The following DLG5 variants were observed in gnomAD, a reference collection of about 807,000 sequenced individuals.
The protein encoded by DLG5 is discs large MAGUK scaffold protein 5.
Under a neutral mutation model 189.8 loss-of-function variants are expected in DLG5, and 48 were observed. The observed-to-expected ratio is 0.25, with a 90% CI of 0.20 to 0.32. The LOEUF is 0.32. DLG5 is among the 10% of genes least tolerant of loss of function. The pLI is 1.00. For synonymous variants in DLG5, 1,016 were observed against 1,054.1 expected (o/e 0.96, Z 0.70); for missense variants, 2,160 against 2,544.7 (o/e 0.85, Z 3.25).
chr10:77,821,987 G>A lies in DLG5; in HGVS notation c.2497C>T (p.Arg833Trp), dbSNP rs746724072. 19 of 1,614,104 alleles carry A rather than the reference G, an allele frequency of 1.2e-5. No homozygotes were observed. The highest frequency in any genetic ancestry group is 4.4e-5 in the South Asian group (4 of 91,086). ...GAGTTATTGTGCTGTATCAAGTTCCGTTTGTTATGAGCCTGGACCTCCGGG... is the reference window on the plus strand; with the variant it reads ...GAGTTATTGTGCTGTATCAAGTTCCATTTGTTATGAGCCTGGACCTCCGGG... ...HGPEVQAHNKRNLIQHNNSTQ... is the reference protein window; with the variant it reads ...HGPEVQAHNKWNLIQHNNSTQ... The change falls in exon 15 of 32, where the codon CGG (arginine) becomes TGG (tryptophan). Residue 833 changes from arginine (R) to tryptophan (W), a missense_variant. By Grantham distance (101) the Arg-to-Trp change is moderately radical. This residue lies in a region of DLG5 where 754 missense variants were observed against 746.5 expected (regional missense o/e 1.01). Transcript: ENST00000372391.
chr10:77,907,212 C>T (rs537259745), intron 1 of DLG5, among the ~76,000 whole-genome samples: 4 of 152,278 alleles, frequency 2.6e-5, no homozygotes, highest in Admixed American at 2.6e-4. Context: ...AACCAACCCG[C>T]CCTGGATGTC....
rs1384131677 is a variant in DLG5, at chr10:77,791,060, G to A, written c.*1380C>T. 1.3e-5 allele frequency: 2 copies of A among 152,600 alleles called. No homozygotes were observed. Among genetic ancestry groups the A allele is most frequent in the Non-Finnish European group, 1.5e-5 (1 of 68,028 alleles). 9.5% of individuals were successfully genotyped at this position (152,600 alleles called of 1,614,324 possible). On this transcript the variant is annotated 3_prime_UTR_variant, in exon 32 of 32. Transcript: ENST00000372391. Reference sequence around the variant, plus strand: ...AAAACAAAGGACAGCATTGAGGACTGAAACTTGTCTCTTTTTTGAACAACT... The same window carrying A: ...AAAACAAAGGACAGCATTGAGGACTAAAACTTGTCTCTTTTTTGAACAACT...
chr10:77,856,708 G>C (rs201591074), intron 3 of DLG5, 22 bp downstream of exon 3: 11 of 1,608,594 alleles, frequency 6.8e-6, no homozygotes, highest in Non-Finnish European at 9.3e-6. Flanking sequence ...GGCCTGGGCA[G>C]GGGAGACGGC....
At position 77,904,596 on chromosome 10, in the gene DLG5, T is replaced by C. The variant is rs930314789; in HGVS notation, c.304+21621A>G. 8.5e-5 allele frequency among the ~76,000 whole-genome samples: 13 copies of C among 152,188 alleles called. 1 individual carries two copies. The highest frequency in any genetic ancestry group is 8.3e-4 in the South Asian group (4 of 4,824). On this transcript the variant is annotated intron_variant, in intron 1 of 31. Coordinates refer to ENST00000372391, the MANE Select transcript of DLG5 (RefSeq NM_004747.4). ...GCCGGTCTTTCCCATGCTATTCTTG[T>C]GATAGTAAGTCTCGGGAGATCTGAT...
At chr10:77,854,121 G>A in intron 4 of DLG5, 106 bp downstream of exon 4, 2 of 1,418,734 alleles carry the variant, frequency 1.4e-6, no homozygotes, top group Non-Finnish European at 9.4e-7. Context: ...TCTTGCACAG[G>A]GACAGGACTA....
At chr10:77,921,977 G>A (rs1207370883) in intron 1 of DLG5, among the ~76,000 whole-genome samples, 1 of 152,202 alleles carries the variant, frequency 6.6e-6, no homozygotes, top group East Asian at 1.9e-4. Context: ...AGCCACTAAA[G>A]GTGAATGAGA....
intron 27 of DLG5, among the ~76,000 whole-genome samples, chr10:77,800,094 TG>T (rs1226398546): frequency 6.6e-6 from 1 of 151,956 alleles, no homozygotes; most frequent in Non-Finnish European, 1.5e-5. Flanking sequence ...ATCAGCAGGG[TG>T]GGGGGTACCA....
chr10:77,842,883 T>A (rs1171231827), intron 6 of DLG5, among the ~76,000 whole-genome samples: 1 of 152,224 alleles, frequency 6.6e-6, no homozygotes, highest in African/African-American at 2.4e-5. Context: ...CTGTCTGGGT[T>A]CAACCTGGCA....
At chr10:77,883,517 C>T (rs1845344936) in intron 1 of DLG5, among the ~76,000 whole-genome samples, 1 of 151,668 alleles carries the variant, frequency 6.6e-6, no homozygotes, top group African/African-American at 2.4e-5. Flanking sequence ...CACCATTGAG[C>T]CTGCAGGATG....
intron 14 of DLG5, 85 bp from the exon 15 acceptor site, chr10:77,822,186 G>A (rs1842403661): frequency 1.3e-6 from 2 of 1,495,124 alleles, no homozygotes; most frequent in East Asian, 2.3e-5. Context: ...CAGAGGTAAA[G>A]CAATGGTCAG....
the DLG5 span, among the ~76,000 whole-genome samples, chr10:77,936,689 G>A: frequency 6.6e-6 from 1 of 152,168 alleles, no homozygotes; most frequent in Non-Finnish European, 1.5e-5. Flanking sequence ...ACCTCACTTT[G>A]CAAATGAAGA....
At chr10:77,800,628 C>T (rs940607717) in intron 27 of DLG5, among the ~76,000 whole-genome samples, 12 of 152,194 alleles carry the variant, frequency 7.9e-5, no homozygotes, top group East Asian at 3.8e-4. Flanking sequence ...GAGATCAAAA[C>T]GGAGTTCAGG....
intron 3 of DLG5, among the ~76,000 whole-genome samples, chr10:77,856,453 GACACACAC>G (rs58908767): frequency 2.7e-5 from 4 of 149,876 alleles, no homozygotes; most frequent in Non-Finnish European, 4.5e-5. Flanking sequence ...CAGTGGTAGG[GACACACAC>G]ACACACACAC....
chr10:77,810,294 G>A (rs73299466), intron 23 of DLG5, among the ~76,000 whole-genome samples: 2 of 152,200 alleles, frequency 1.3e-5, no homozygotes, highest in Non-Finnish European at 2.9e-5. Context: ...GGGGGCTTCA[G>A]GGGAGATGCC....
At chr10:77,806,730 C>T in intron 26 of DLG5, 28 bp downstream of exon 26, 1 of 1,566,664 alleles carries the variant, frequency 6.4e-7, no homozygotes, top group Non-Finnish European at 8.8e-7. Context: ...CCCTGCCCCA[C>T]CCCACCCCAG....
chr10:77,883,366 G>A (rs1257256176), intron 1 of DLG5, among the ~76,000 whole-genome samples: 1 of 152,166 alleles, frequency 6.6e-6, no homozygotes, highest in African/African-American at 2.4e-5. Flanking sequence ...GAGGATTAAA[G>A]GAGGAGGAAT....
chr10:77,812,402 G>A (rs72815386), intron 20 of DLG5, 25 bp from the exon 21 acceptor site: 155 of 1,598,354 alleles, frequency 9.7e-5, no homozygotes, highest in Admixed American at 2.0e-4. Context: ...AAAGTTTCGG[G>A]GACTCAGGGT....
At chr10:77,816,852 T>G (rs546484234) in intron 19 of DLG5, 151 bp from the exon 20 acceptor site, 1 of 1,364,424 alleles carries the variant, frequency 7.3e-7, no homozygotes, top group African/African-American at 1.4e-5. Context: ...CATTGCCCCC[T>G]ACCCCCCACA....
intron 9 of DLG5, among the ~76,000 whole-genome samples, chr10:77,831,083 A>C (rs1373303093): frequency 6.6e-6 from 1 of 152,136 alleles, no homozygotes. Flanking sequence ...ATTCTCCCCA[A>C]ATTTATCTAG....
Sources: gnomAD v4.1 joint callset for allele counts (sites outside exome capture counted in the v4.1 genomes callset) on GRCh38, gnomAD v4.1.1 for gene constraint, gnomAD v4.1.1 regional missense constraint, MANE v1.5 for transcripts, NCBI Gene and HGNC (gene_info 2026-07-23, HGNC 2026-07-21) for gene names.